OR52N4: variants seen among roughly 807,000 people sequenced by gnomAD.
OR52N4 encodes the protein olfactory receptor 52N4.
In OR52N4, 15 loss-of-function variants were observed where a neutral mutation model predicts 15.0. The ratio of observed to expected loss-of-function variants is 1.00; its 90% CI spans 0.67 to 1.54. The LOEUF (loss-of-function observed/expected upper bound fraction) is 1.54, where lower values mean the gene tolerates loss of function less well. Among genes scored for constraint, OR52N4 ranks in the 40% most tolerant of loss-of-function variants. OR52N4 has a pLI of 0.00. For synonymous variants in OR52N4, 143 were observed against 143.7 expected, an observed-to-expected ratio of 1.00 and a Z score of 0.03; for missense variants, 421 against 394.0, an observed-to-expected ratio of 1.07 and a Z score of -0.58.
intron 1 of OR52N4, 46 bp from the exon 2 acceptor site, chr11:5,754,647 A>C: frequency 1.5e-6 from 2 of 1,334,310 alleles, no homozygotes; most frequent in Non-Finnish European, 2.0e-6. Flanking sequence ...AGAGGGAGAC[A>C]GTAAAAATAA....
Position 5,754,850 on chromosome 11 carries a change from A to T in OR52N4, c.110A>T (p.Tyr37Phe). The T allele has an allele frequency of 6.2e-7, 1 of 1,613,802 alleles. No individual in the cohort carries two copies. The highest frequency in any genetic ancestry group is 8.5e-7 in the Non-Finnish European group (1 of 1,179,798). ...ATTTCCTTCCCATTCTGCTCTATGT[A>T]TGTTGTGGCTATGGTAGGGAATTGT... Reference protein sequence around the residue: ...LWISFPFCSMYVVAMVGNCGL... With the variant: ...LWISFPFCSMFVVAMVGNCGL... Residue 37 changes from tyrosine (Y) to phenylalanine (F), a missense_variant, in exon 2 of 2, where the codon TAT becomes TTT. Transcript: ENST00000641350.
At chr11:5,729,426 T>G in the OR52N4 span, among the ~76,000 whole-genome samples, 1 of 152,096 alleles carries the variant, frequency 6.6e-6, no homozygotes, top group Non-Finnish European at 1.5e-5. Context: ...GGCCGAGATA[T>G]TCTTAATAGA....
the OR52N4 span, among the ~76,000 whole-genome samples, chr11:5,741,423 G>C: frequency 6.6e-6 from 1 of 152,226 alleles, no homozygotes; most frequent in African/African-American, 2.4e-5. Flanking sequence ...GATGGACGAT[G>C]ATGAGTCAAG....
At position 5,755,876 on chromosome 11, in the gene OR52N4, C is replaced by A. The variant is rs117777159; in HGVS notation, c.*170C>A. The A allele has an allele frequency of 5.8e-3, 4,233 of 733,656 alleles. 18 individuals are homozygous for A. Among genetic ancestry groups the A allele is most frequent in the Middle Eastern group, 8.0e-3 (21 of 2,618 alleles). 45.4% of individuals were successfully genotyped at this position (733,656 alleles called of 1,614,324 possible). On this transcript the variant is annotated 3_prime_UTR_variant, in exon 2 of 2. Coordinates refer to ENST00000641350, the MANE Select transcript of OR52N4 (RefSeq NM_001005175.5). Reference sequence around the variant, plus strand: ...GGAATCTCAACATCATTGGAAGGCCCACCAACATTTCTATAAATTTTTTAC... The same window carrying A: ...GGAATCTCAACATCATTGGAAGGCCAACCAACATTTCTATAAATTTTTTAC...
the OR52N4 span, chr11:5,726,996 T>C: frequency 1.3e-5 from 2 of 153,110 alleles, no homozygotes; most frequent in Non-Finnish European, 2.9e-5. Context: ...CCCTTCTTTA[T>C]TGGGCGTTTG....
the OR52N4 span, among the ~76,000 whole-genome samples, chr11:5,727,867 T>C: frequency 6.6e-6 from 1 of 152,206 alleles, no homozygotes; most frequent in Non-Finnish European, 1.5e-5. Flanking sequence ...AATCAGAAGA[T>C]AGGACAATAT....
chr11:5,746,006 T>C, the OR52N4 span, among the ~76,000 whole-genome samples: 1 of 152,156 alleles, frequency 6.6e-6, no homozygotes, highest in Non-Finnish European at 1.5e-5. Context: ...AGCCACATAC[T>C]TATGACCAAC....
the OR52N4 span, among the ~76,000 whole-genome samples, chr11:5,731,661 TA>T: frequency 2.6e-5 from 4 of 152,150 alleles, no homozygotes; most frequent in African/African-American, 9.7e-5. Flanking sequence ...TTTCTAAGGT[TA>T]ATTGACAGGT....
upstream of OR52N4, among the ~76,000 whole-genome samples, chr11:5,753,886 G>A (rs34308193): frequency 0.76 from 111,478 of 145,766 alleles, 41,672 homozygotes; most frequent in Middle Eastern, 0.83. Flanking sequence ...GCAGCTACTC[G>A]GGAGGCTAAG....
At chr11:5,738,597 A>G in the OR52N4 span, 3 of 151,640 alleles carry the variant, frequency 2.0e-5, no homozygotes, top group South Asian at 6.2e-4. Context: ...TATCACCAGC[A>G]TCTATCTCTA....
chr11:5,737,140 G>C, the OR52N4 span: 1 of 1,614,016 alleles, frequency 6.2e-7, no homozygotes, highest in Admixed American at 1.7e-5. Flanking sequence ...GCATTTGCCA[G>C]TTGGTTCTGG....
chr11:5,728,368 C>T, the OR52N4 span, among the ~76,000 whole-genome samples: 4 of 152,220 alleles, frequency 2.6e-5, no homozygotes, highest in Admixed American at 2.6e-4. Flanking sequence ...GAAGATTAAG[C>T]TTGATTCTAG....
At chr11:5,745,919 T>C in the OR52N4 span, among the ~76,000 whole-genome samples, 30 of 152,270 alleles carry the variant, frequency 2.0e-4, 1 homozygote, top group Admixed American at 6.5e-4. Context: ...ATTTTCTTTT[T>C]TGGTGTGTCC....
chr11:5,745,016 TA>T, the OR52N4 span, among the ~76,000 whole-genome samples: 1 of 152,114 alleles, frequency 6.6e-6, no homozygotes. Flanking sequence ...TAAAAACTGT[TA>T]ACAAACTAGG....
the OR52N4 span, among the ~76,000 whole-genome samples, chr11:5,742,121 GAGAA>G: frequency 6.0e-5 from 9 of 151,116 alleles, no homozygotes; most frequent in African/African-American, 2.2e-4. Flanking sequence ...ACGAAAGAGA[GAGAA>G]AGAAAGAAAA....
chr11:5,739,418 C>T, the OR52N4 span, among the ~76,000 whole-genome samples: 1 of 123,606 alleles, frequency 8.1e-6, no homozygotes, highest in Non-Finnish European at 1.8e-5. Context: ...TAAAATTAGG[C>T]AGGCATGGTG....
Position 5,755,667 on chromosome 11 carries a change from C to T in OR52N4, c.927C>T (p.Ile309=), listed in dbSNP as rs542962429. ...AGATACGAGACTGTGTCATAAGGAT[C>T]CTTTCAGGTTCTAAGGATACCAAAT... ...TKQIRDCVIR[I]LSGSKDTKSY... The change falls in exon 2 of 2, where the codon ATC becomes ATT. Residue 309 remains isoleucine, a synonymous_variant. Coordinates refer to ENST00000641350, the MANE Select transcript of OR52N4 (RefSeq NM_001005175.5). The T allele has an allele frequency of 6.2e-6, 10 of 1,613,652 alleles. No homozygotes were observed. In the Admixed American group the frequency reaches 1.3e-4, roughly 22 times the overall value.
At chr11:5,739,524 T>C in the OR52N4 span, among the ~76,000 whole-genome samples, 1 of 105,236 alleles carries the variant, frequency 9.5e-6, no homozygotes, top group Non-Finnish European at 2.0e-5. Flanking sequence ...ATCACACCAT[T>C]GCACTCCAAC....
At chr11:5,739,281 G>C in the OR52N4 span, among the ~76,000 whole-genome samples, 2 of 127,362 alleles carry the variant, frequency 1.6e-5, no homozygotes, top group Admixed American at 1.5e-4. Context: ...GGGCACAGTG[G>C]CTTACACTTG....
Sources: allele counts gnomAD v4.1 joint callset (sites outside exome capture counted in the v4.1 genomes callset), GRCh38; gene constraint gnomAD v4.1.1; transcripts MANE v1.5; gene names NCBI Gene and HGNC (gene_info 2026-07-23, HGNC 2026-07-21).